The following COL6A6 variants were observed in gnomAD, a reference collection of about 807,000 sequenced individuals.
COL6A6 encodes collagen type VI alpha 6 chain.
COL6A6 carries 183 observed loss-of-function variants against 208.6 expected under a neutral mutation model. That is an observed-to-expected ratio of 0.88 (90% confidence interval 0.78 to 0.99). The LOEUF is 0.99. COL6A6 is among the 50% of genes least tolerant of loss of function. The probability of loss-of-function intolerance (pLI) is 0.00; values close to 1 mark genes in which losing one functional copy is unlikely to be tolerated. For synonymous variants in COL6A6, 973 were observed against 1,011.8 expected, an observed-to-expected ratio of 0.96 and a Z score of 0.73; for missense variants, 2,816 against 2,815.2, an observed-to-expected ratio of 1.00 and a Z score of -0.01.
At chr3:130,598,463 A>T in intron 19 of COL6A6, 33 bp downstream of exon 19, 3 of 1,414,316 alleles carry the variant, frequency 2.1e-6, no homozygotes, top group Non-Finnish European at 2.9e-6. Flanking sequence ...TCGTGATGCA[A>T]CAACTGTGGG....
At chr3:130,614,799 A>G (rs540783518) in intron 23 of COL6A6, among the ~76,000 whole-genome samples, 1 of 152,022 alleles carries the variant, frequency 6.6e-6, no homozygotes, top group Non-Finnish European at 1.5e-5. Context: ...GTGTGCATAG[A>G]GGTGTTCATA....
chr3:130,668,410 A>G (rs141714942), intron 36 of COL6A6, among the ~76,000 whole-genome samples: 3,023 of 152,148 alleles, frequency 0.02, 100 homozygotes, highest in African/African-American at 0.068. Context: ...CCCAGGAGAC[A>G]GGGGTTGCAG....
At chr3:130,653,543 C>A (rs1395784920) in intron 33 of COL6A6, among the ~76,000 whole-genome samples, 4 of 152,108 alleles carry the variant, frequency 2.6e-5, no homozygotes, top group Non-Finnish European at 5.9e-5. Flanking sequence ...TCATTCAGAA[C>A]CCTTTGCTAA....
intron 1 of COL6A6, among the ~76,000 whole-genome samples, chr3:130,531,004 C>T (rs1447076443): frequency 2.0e-5 from 3 of 150,320 alleles, no homozygotes; most frequent in Non-Finnish European, 4.4e-5. Flanking sequence ...CTCCTCTCCA[C>T]CCCCCTCCTC....
intron 2 of COL6A6, among the ~76,000 whole-genome samples, chr3:130,560,656 T>C (rs2062862516): frequency 6.6e-6 from 1 of 152,182 alleles, no homozygotes; most frequent in Non-Finnish European, 1.5e-5. Flanking sequence ...GAGCTGTCAT[T>C]TTGTCCTGCT....
intron 20 of COL6A6, among the ~76,000 whole-genome samples, chr3:130,603,339 T>C (rs2064081890): frequency 6.6e-6 from 1 of 152,240 alleles, no homozygotes; most frequent in African/African-American, 2.4e-5. Context: ...CAGATATTGC[T>C]AAGTGTTTTC....
intron 32 of COL6A6, among the ~76,000 whole-genome samples, chr3:130,648,656 C>T (rs534230100): frequency 3.3e-5 from 5 of 152,228 alleles, no homozygotes; most frequent in Non-Finnish European, 4.4e-5. Flanking sequence ...ACAGCCTTTC[C>T]TTTTTAACTC....
chr3:130,640,844 TTTTG>T (rs1485192006), intron 28 of COL6A6, among the ~76,000 whole-genome samples: 1 of 152,254 alleles, frequency 6.6e-6, no homozygotes, highest in African/African-American at 2.4e-5. Flanking sequence ...TGTATTTCAA[TTTTG>T]TTTTTCTAGA....
chr3:130,663,349 C>T (rs1038050725), intron 35 of COL6A6, among the ~76,000 whole-genome samples: 16 of 152,048 alleles, frequency 1.1e-4, no homozygotes, highest in African/African-American at 3.9e-4. Flanking sequence ...TCATTCTGAA[C>T]CAGAATCTGC....
At chr3:130,578,672 A>C (rs1577767010) in intron 8 of COL6A6, among the ~76,000 whole-genome samples, 1 of 151,716 alleles carries the variant, frequency 6.6e-6, no homozygotes, top group South Asian at 2.1e-4. Flanking sequence ...CAGAGAGTTA[A>C]CTTCCCTACA....
At chr3:130,621,326 C>T (rs373340135) in intron 23 of COL6A6, among the ~76,000 whole-genome samples, 1 of 152,132 alleles carries the variant, frequency 6.6e-6, no homozygotes, top group Non-Finnish European at 1.5e-5. Context: ...GAATATTTAT[C>T]TTATGCTACC....
At chr3:130,603,877 C>A (rs1188163790) in intron 20 of COL6A6, among the ~76,000 whole-genome samples, 1 of 152,016 alleles carries the variant, frequency 6.6e-6, no homozygotes, top group Non-Finnish European at 1.5e-5. Context: ...CTGTAAACAA[C>A]CAGAAAGCCA....
At position 130,662,068 on chromosome 3, in the gene COL6A6, A is replaced by G. The variant is rs780478814; in HGVS notation, c.6262A>G (p.Ile2088Val). The change falls in exon 35 of 37, where the codon ATA becomes GTA. Residue 2088 changes from isoleucine to valine, a missense_variant. Transcript: ENST00000358511. Reference protein sequence around the residue: ...NLRRNKVIFVISAGETSHLDG... With the variant: ...NLRRNKVIFVVSAGETSHLDG... ...GAGAAGAAACAAAGTCATATTTGTG[A>G]TATCTGCTGGGGAAACCAGCCACTT... 5 of 1,613,912 alleles carry G rather than the reference A, an allele frequency of 3.1e-6. No individual in the cohort carries two copies. The highest frequency in any genetic ancestry group is 1.6e-4 in the Middle Eastern group (1 of 6,084).
At chr3:130,608,111 A>G (rs1218061532) in intron 21 of COL6A6, among the ~76,000 whole-genome samples, 1 of 152,154 alleles carries the variant, frequency 6.6e-6, no homozygotes, top group East Asian at 1.9e-4. Flanking sequence ...CACCTCCTAA[A>G]GGCCCCACCT....
chr3:130,642,947 TTTG>T, intron 30 of COL6A6, 37 bp from the exon 31 acceptor site: 1 of 1,613,446 alleles, frequency 6.2e-7, no homozygotes, highest in African/African-American at 1.3e-5. Context: ...GGCCTAGCAG[TTTG>T]TTGTTTAATT....
Position 130,568,148 on chromosome 3 carries a change from G to A in COL6A6, c.1945G>A (p.Val649Met). The change falls in exon 6 of 37, where the codon GTG becomes ATG. Residue 649 changes from valine (V) to methionine (M), a missense_variant. Transcript: ENST00000358511. ...SKMKTFMKNL[V>M]SKSQIGPDRV... is the part of the protein sequence containing the mutation. ...AATGAAAACATTTATGAAAAACCTG[G>A]TGAGCAAGTCTCAGATTGGACCAGA... is the stretch of plus-strand genomic sequence containing the variant. 6.2e-7 allele frequency: 1 copy of A among 1,614,020 alleles called. No individual in the cohort carries two copies. The highest frequency in any genetic ancestry group is 8.5e-7 in the Non-Finnish European group (1 of 1,179,892).
At chr3:130,531,023 CACACACACACACACAG>C (rs1025490916) in intron 1 of COL6A6, among the ~76,000 whole-genome samples, 7 of 46,644 alleles carry the variant, frequency 1.5e-4, no homozygotes, top group South Asian at 5.4e-4. Context: ...TCTACACACA[CACACACACACACACAG>C]ACACACACAC....
intron 3 of COL6A6, 28 bp from the exon 4 acceptor site, chr3:130,564,965 AT>A (rs753924113): frequency 6.2e-7 from 1 of 1,601,188 alleles, no homozygotes; most frequent in South Asian, 1.1e-5. Context: ...ACCAGCTAAA[AT>A]TGTGCTTGTT....
At position 130,566,856 on chromosome 3, in the gene COL6A6, G is replaced by T. The variant is rs1330445125; in HGVS notation, c.1437G>T (p.Gln479His). Residue 479 changes from glutamine (Q) to histidine (H), a missense_variant, in exon 5 of 37, where the codon CAG becomes CAT. By Grantham distance (24) the Gln-to-His change is conservative. Transcript: ENST00000358511. ...ATAAGGTGCGGGTTGGGGCCGTTCA[G>T]TATGCTGACAGCTGGGACTTGGAAT... ...APHKVRVGAV[Q>H]YADSWDLEFE... The T allele has an allele frequency of 1.2e-6, 2 of 1,614,010 alleles. No homozygotes were observed. Among genetic ancestry groups the T allele is most frequent in the East Asian group, 2.2e-5 (1 of 44,882 alleles).
Sources: gnomAD v4.1 joint callset for allele counts (sites outside exome capture counted in the v4.1 genomes callset) on GRCh38, gnomAD v4.1.1 for gene constraint, MANE v1.5 for transcripts, NCBI Gene and HGNC (gene_info 2026-07-23, HGNC 2026-07-21) for gene names.